GAREM1: variants seen among roughly 807,000 people sequenced by gnomAD.
The protein encoded by GAREM1 is GRB2-associated and regulator of MAPK protein 1.
Under a neutral mutation model 71.3 loss-of-function variants are expected in GAREM1, and 26 were observed. The ratio of observed to expected loss-of-function variants is 0.36; its 90% CI spans 0.27 to 0.51. GAREM1 has a LOEUF of 0.51. GAREM1 is among the 20% of genes least tolerant of loss of function. The pLI, the probability that GAREM1 is intolerant of heterozygous loss-of-function variation, is 0.95. For missense variants in GAREM1, 1,026 were observed against 1,103.1 expected (o/e 0.93, Z 0.99); for synonymous variants, 440 against 433.2 (o/e 1.02, Z -0.20).
chr18:32,309,886 C>T (rs2047297830), intron 3 of GAREM1, among the ~76,000 whole-genome samples: 1 of 151,628 alleles, frequency 6.6e-6, no homozygotes, highest in South Asian at 2.1e-4. Flanking sequence ...GGAGATCTGG[C>T]TAAACAACTG....
At chr18:32,402,057 T>C (rs1018526140) in intron 1 of GAREM1, among the ~76,000 whole-genome samples, 5 of 152,200 alleles carry the variant, frequency 3.3e-5, no homozygotes, top group African/African-American at 1.2e-4. Flanking sequence ...ATATAATCAC[T>C]TAAAATATCC....
intron 2 of GAREM1, among the ~76,000 whole-genome samples, chr18:32,342,400 T>G (rs1353357663): frequency 6.6e-6 from 1 of 152,170 alleles, no homozygotes. Flanking sequence ...GCCTAAACTT[T>G]TGCAGGGCTC....
chr18:32,352,334 C>T (rs577552368), intron 2 of GAREM1, among the ~76,000 whole-genome samples: 2 of 152,324 alleles, frequency 1.3e-5, no homozygotes, highest in East Asian at 3.9e-4. Flanking sequence ...AAATGCATCC[C>T]GTGGCCAGCG....
chr18:32,408,937 T>C (rs2048391028), intron 1 of GAREM1, among the ~76,000 whole-genome samples: 1 of 152,202 alleles, frequency 6.6e-6, no homozygotes, highest in African/African-American at 2.4e-5. Context: ...TTCTAATTCC[T>C]ATATTGACTA....
chr18:32,414,196 C>A (rs2048446038), intron 1 of GAREM1, among the ~76,000 whole-genome samples: 1 of 151,942 alleles, frequency 6.6e-6, no homozygotes, highest in Admixed American at 6.6e-5. Context: ...CAGACAATGA[C>A]AAAATAAGGG....
chr18:32,430,483 T>C (rs2048613208), intron 1 of GAREM1, among the ~76,000 whole-genome samples: 1 of 152,146 alleles, frequency 6.6e-6, no homozygotes, highest in African/African-American at 2.4e-5. Context: ...AACAAATATA[T>C]TGGAAGGAAG....
chr18:32,350,592 A>G (rs1276742211), intron 2 of GAREM1, among the ~76,000 whole-genome samples: 3 of 151,598 alleles, frequency 2.0e-5, no homozygotes, highest in Non-Finnish European at 4.4e-5. Context: ...ACTAAAAACA[A>G]GACCCCTTCT....
chr18:32,302,999 C>T (rs1020543754), intron 3 of GAREM1, among the ~76,000 whole-genome samples: 1 of 152,310 alleles, frequency 6.6e-6, no homozygotes, highest in Non-Finnish European at 1.5e-5. Flanking sequence ...CCTGGGCAGA[C>T]CACGCACGCA....
chr18:32,455,824 T>C (rs1003187994), intron 1 of GAREM1, among the ~76,000 whole-genome samples: 1 of 152,178 alleles, frequency 6.6e-6, no homozygotes, highest in Non-Finnish European at 1.5e-5. Flanking sequence ...TTATGTGTTC[T>C]TGGAACACAG....
chr18:32,331,241 C>A (rs2047532481), intron 2 of GAREM1, among the ~76,000 whole-genome samples: 1 of 152,144 alleles, frequency 6.6e-6, no homozygotes, highest in Non-Finnish European at 1.5e-5. Context: ...AAACTGTACT[C>A]CCTACTAATG....
At position 32,268,154 on chromosome 18, in the gene GAREM1, A is replaced by T. The variant is rs1194389557; in HGVS notation, c.2348T>A (p.Phe783Tyr). 6.2e-7 allele frequency: 1 copy of T among 1,613,874 alleles called. No homozygotes were observed. Among genetic ancestry groups the T allele is most frequent in the South Asian group, 1.1e-5 (1 of 91,052 alleles). ...CAGCTGGAGATGGAGCGGAGATGAG[A>T]AAGGGTAGGAGGCAGAGAAGATGTC... ...MQDIFSASYP[F>Y]SSPLHLQLAP... Residue 783 changes from phenylalanine (F) to tyrosine (Y), a missense_variant, in exon 6 of 6, where the codon TTC becomes TAC. Transcript: ENST00000269209.
chr18:32,325,279 T>C (rs2047464135), intron 2 of GAREM1, among the ~76,000 whole-genome samples: 2 of 152,192 alleles, frequency 1.3e-5, no homozygotes, highest in African/African-American at 4.8e-5. Context: ...ATTCTGTATG[T>C]TACCTTAATG....
chr18:32,309,719 T>C lies in GAREM1; in HGVS notation c.393+474A>G, dbSNP rs141186574. 5.3e-5 allele frequency among the ~76,000 whole-genome samples: 8 copies of C among 151,176 alleles called. No individual in the cohort carries two copies. In the East Asian group the frequency reaches 1.6e-3, roughly 29 times the overall value. ...CAATATCAGTTTTCTCTATATATAG[T>C]GAAATAGATAGTCCACAAAGAATGG... is the stretch of plus-strand genomic sequence containing the variant. On this transcript the variant is annotated intron_variant, in intron 3 of 5. Transcript: ENST00000269209.
At position 32,430,718 on chromosome 18, in the gene GAREM1, C is replaced by T. The variant is rs535713935; in HGVS notation, c.122-37683G>A. The stretch of plus-strand genomic sequence containing the variant: ...AGCAATCCACAAGTAATGACAGTGG[C>T]GGCAACAGCTAGGTAGGTCCCTAAA... On this transcript the variant is annotated intron_variant, in intron 1 of 5. Transcript: ENST00000269209. Among the ~76,000 whole-genome samples the T allele has an allele frequency of 5.9e-5, 9 of 152,284 alleles. No homozygotes were observed. In the South Asian group the frequency reaches 1.0e-3, roughly 18 times the overall value.
intron 1 of GAREM1, among the ~76,000 whole-genome samples, chr18:32,419,657 C>T (rs1245994648): frequency 6.6e-6 from 1 of 152,066 alleles, no homozygotes; most frequent in Non-Finnish European, 1.5e-5. Context: ...CTAGTTCAAC[C>T]AATTAGGGAC....
At chr18:32,329,750 G>C (rs191245458) in intron 2 of GAREM1, among the ~76,000 whole-genome samples, 2 of 133,358 alleles carry the variant, frequency 1.5e-5, no homozygotes, top group Non-Finnish European at 1.6e-5. Flanking sequence ...AAAAAAATAA[G>C]TTCCTGATGT....
At position 32,462,119 on chromosome 18, in the gene GAREM1, T is replaced by C. The variant is rs145709178; in HGVS notation, c.121+8189A>G. Among the ~76,000 whole-genome samples, 185 of 152,392 alleles carry C rather than the reference T, an allele frequency of 1.2e-3. 4 individuals carry two copies. The East Asian group carries it at 0.028, about 23-fold the overall frequency. ...TCATTTCAGTTGACACTTATTTCCTTTGGATATACACCTAGTAGTGGGACT... is the reference window on the plus strand; with the variant it reads ...TCATTTCAGTTGACACTTATTTCCTCTGGATATACACCTAGTAGTGGGACT... On this transcript the variant is annotated intron_variant, in intron 1 of 5. Transcript: ENST00000269209.
intron 1 of GAREM1, among the ~76,000 whole-genome samples, chr18:32,465,930 C>T (rs537609326): frequency 6.6e-6 from 1 of 152,326 alleles, no homozygotes; most frequent in South Asian, 2.1e-4. Context: ...ACTTGTATTA[C>T]CTTCTCTACA....
At chr18:32,428,650 C>A (rs917656396) in intron 1 of GAREM1, among the ~76,000 whole-genome samples, 2 of 152,142 alleles carry the variant, frequency 1.3e-5, no homozygotes, top group South Asian at 2.1e-4. Flanking sequence ...ACCAATTAGA[C>A]CTCTTTTTTA....
Sources: allele counts gnomAD v4.1 joint callset (sites outside exome capture counted in the v4.1 genomes callset), GRCh38; gene constraint gnomAD v4.1.1; transcripts MANE v1.5; gene names NCBI Gene and HGNC (gene_info 2026-07-23, HGNC 2026-07-21).